The following GRAP2 variants were observed in gnomAD, a reference collection of about 807,000 sequenced individuals.
GRAP2 encodes the protein GRB2 related adaptor protein 2, also known as GRB2-related adapter protein 2.
In GRAP2, 31 loss-of-function variants were observed where a neutral mutation model predicts 43.5. That is an observed-to-expected ratio of 0.71 (90% CI 0.54 to 0.96). The LOEUF (loss-of-function observed/expected upper bound fraction) is 0.96, where lower values mean the gene tolerates loss of function less well. GRAP2 is among the 40% of genes least tolerant of loss of function. The pLI is 0.00. For synonymous variants in GRAP2, 156 were observed against 164.8 expected, an observed-to-expected ratio of 0.95 and a Z score of 0.41; for missense variants, 371 against 424.4, an observed-to-expected ratio of 0.87 and a Z score of 1.11.
rs138486467 is a variant in GRAP2 at position 39,928,683 on chromosome 22, A to G, written c.-14-18410A>G. Reference sequence around the variant, plus strand: ...AGACAGGGGTATGAAGTAGCCATTTACCAAGAGATAGTGCGATGTCATAAA... The same window carrying G: ...AGACAGGGGTATGAAGTAGCCATTTGCCAAGAGATAGTGCGATGTCATAAA... On this transcript the variant is annotated intron_variant, in intron 1 of 7. Transcript: ENST00000344138. 2.6e-5 allele frequency among the ~76,000 whole-genome samples: 4 copies of G among 152,348 alleles called. No homozygotes were observed. The East Asian group carries it at 7.7e-4, about 29-fold the overall frequency.
chr22:39,952,487 G>A (rs1244766133), intron 2 of GRAP2, among the ~76,000 whole-genome samples: 2 of 152,140 alleles, frequency 1.3e-5, no homozygotes, highest in Non-Finnish European at 2.9e-5. Context: ...AGTGCAGTGT[G>A]CTCTTGTGTT....
At chr22:39,964,164 T>C (rs558418744) in intron 4 of GRAP2, 2 of 506,432 alleles carry the variant, frequency 3.9e-6, no homozygotes, top group South Asian at 3.2e-5. Context: ...AAATAAACTT[T>C]ACATCCAAAA....
intron 1 of GRAP2, among the ~76,000 whole-genome samples, chr22:39,933,574 C>CCA (rs1762990407): frequency 6.6e-6 from 1 of 152,028 alleles, no homozygotes; most frequent in African/African-American, 2.4e-5. Flanking sequence ...GGTATGGTGG[C>CCA]TCACGTCTGT....
At chr22:39,943,463 TA>T (rs1322431075) in intron 1 of GRAP2, among the ~76,000 whole-genome samples, 5 of 152,002 alleles carry the variant, frequency 3.3e-5, no homozygotes, top group Non-Finnish European at 7.4e-5. Flanking sequence ...CTTAAAGGGG[TA>T]AGCGAGAGAG....
upstream of GRAP2, among the ~76,000 whole-genome samples, chr22:39,898,797 A>T (rs375788744): frequency 2.9e-4 from 44 of 152,340 alleles, no homozygotes; most frequent in South Asian, 8.3e-3. Context: ...TGGGCAACCG[A>T]GCGAGACTCA....
At chr22:39,928,931 TAAG>T (rs1601704855) in intron 1 of GRAP2, among the ~76,000 whole-genome samples, 1 of 152,198 alleles carries the variant, frequency 6.6e-6, no homozygotes, top group Admixed American at 6.5e-5. Flanking sequence ...TATATGGTCA[TAAG>T]AAGGTAATTT....
At chr22:39,967,353 A>G (rs1464516290) in intron 5 of GRAP2, among the ~76,000 whole-genome samples, 2 of 152,232 alleles carry the variant, frequency 1.3e-5, no homozygotes, top group African/African-American at 2.4e-5. Context: ...ATGGGCATTC[A>G]GAGAAGCAAT....
intron 1 of GRAP2, among the ~76,000 whole-genome samples, chr22:39,911,510 G>A (rs28637046): frequency 3.3e-4 from 50 of 152,062 alleles, no homozygotes; most frequent in South Asian, 1.2e-3. Context: ...TAGCTTAGAA[G>A]TTCATAGATT....
intron 1 of GRAP2, among the ~76,000 whole-genome samples, chr22:39,933,428 C>T (rs906528039): frequency 6.6e-6 from 1 of 152,144 alleles, no homozygotes; most frequent in Non-Finnish European, 1.5e-5. Flanking sequence ...TTTTGACAGA[C>T]AGGATGGGGA....
At chr22:39,926,796 A>G (rs1388725795) in intron 1 of GRAP2, 1 of 984,824 alleles carries the variant, frequency 1.0e-6, no homozygotes, top group Non-Finnish European at 1.2e-6. Context: ...TCGCCCAAAC[A>G]ATTCTGGAAC....
intron 1 of GRAP2, among the ~76,000 whole-genome samples, chr22:39,914,450 A>C (rs933965467): frequency 6.8e-6 from 1 of 147,858 alleles, no homozygotes; most frequent in Admixed American, 6.7e-5. Context: ...GCATTTGTTC[A>C]GTTCTAGAGA....
intron 1 of GRAP2, among the ~76,000 whole-genome samples, chr22:39,935,331 T>C (rs1163593852): frequency 6.6e-6 from 1 of 152,174 alleles, no homozygotes; most frequent in Non-Finnish European, 1.5e-5. Flanking sequence ...CCGATGCCCA[T>C]TGTCTATCAT....
intron 3 of GRAP2, among the ~76,000 whole-genome samples, chr22:39,958,587 T>A (rs943005476): frequency 3.3e-5 from 5 of 152,204 alleles, no homozygotes; most frequent in Non-Finnish European, 7.3e-5. Flanking sequence ...ATATGTATTA[T>A]TGAAACCATG....
At chr22:39,915,353 C>T (rs571993907) in intron 1 of GRAP2, among the ~76,000 whole-genome samples, 151 of 152,242 alleles carry the variant, frequency 9.9e-4, no homozygotes, top group African/African-American at 3.5e-3. Flanking sequence ...CAGGCATTGA[C>T]CCCACACTGG....
chr22:39,899,612 C>T (rs1392203758), upstream of GRAP2, among the ~76,000 whole-genome samples: 2 of 152,058 alleles, frequency 1.3e-5, no homozygotes, highest in Admixed American at 6.6e-5. Flanking sequence ...GTGGAAATAG[C>T]AGAGATCCTT....
At chr22:39,936,945 G>A (rs975604347) in intron 1 of GRAP2, among the ~76,000 whole-genome samples, 2 of 152,162 alleles carry the variant, frequency 1.3e-5, no homozygotes, top group African/African-American at 2.4e-5. Flanking sequence ...ACCCAGGAAG[G>A]TTGAGAGGGC....
chr22:39,964,226 C>A (rs2067147337), intron 4 of GRAP2: 1 of 575,928 alleles, frequency 1.7e-6, no homozygotes, highest in African/African-American at 1.9e-5. Context: ...AAGGCTCAGC[C>A]CACCCTTCCT....
chr22:39,947,297 G>A (rs2066933226), intron 2 of GRAP2, 113 bp downstream of exon 2: 2 of 743,882 alleles, frequency 2.7e-6, no homozygotes, highest in Admixed American at 1.8e-5. Flanking sequence ...AAAAAGAGAA[G>A]TTCACCTTGA....
chr22:39,950,085 C>T (rs545078937), intron 2 of GRAP2, among the ~76,000 whole-genome samples: 1 of 152,102 alleles, frequency 6.6e-6, no homozygotes, highest in Non-Finnish European at 1.5e-5. Context: ...AGATGTAACG[C>T]CCCCAGGTTG....
Sources: gnomAD v4.1 joint callset for allele counts (sites outside exome capture counted in the v4.1 genomes callset) on GRCh38, gnomAD v4.1.1 for gene constraint, MANE v1.5 for transcripts, NCBI Gene and HGNC (gene_info 2026-07-23, HGNC 2026-07-21) for gene names.